Variants in HACD3 observed in about 807,000 individuals in gnomAD.
HACD3 encodes 3-hydroxyacyl-CoA dehydratase 3.
In HACD3, 30 loss-of-function variants were observed where a neutral mutation model predicts 55.2. That is an observed-to-expected ratio of 0.54 (90% CI 0.41 to 0.74). The LOEUF is 0.74. HACD3 is among the 30% of genes least tolerant of loss of function. The probability of loss-of-function intolerance (pLI) is 0.00; values close to 1 mark genes in which losing one functional copy is unlikely to be tolerated. For missense variants in HACD3, 363 were observed against 440.1 expected, an observed-to-expected ratio of 0.82 and a Z score of 1.57; for synonymous variants, 141 against 151.7, an observed-to-expected ratio of 0.93 and a Z score of 0.52.
chr15:65,535,667 G>A, intron 1 of HACD3: 1 of 421,346 alleles, frequency 2.4e-6, no homozygotes. Flanking sequence ...ATCTGTTCTG[G>A]TGATCTGTGA....
At chr15:65,532,549 T>C (rs1200959146) in intron 1 of HACD3, among the ~76,000 whole-genome samples, 1 of 151,838 alleles carries the variant, frequency 6.6e-6, no homozygotes, top group African/African-American at 2.4e-5. Flanking sequence ...GGAGAATTGC[T>C]TGAACCCGGG....
intron 4 of HACD3, among the ~76,000 whole-genome samples, chr15:65,557,147 A>G (rs775312391): frequency 6.6e-6 from 1 of 152,210 alleles, no homozygotes; most frequent in Non-Finnish European, 1.5e-5. Context: ...GGAGAAGACC[A>G]CTGAAGTAAA....
chr15:65,557,102 T>C (rs958442203), intron 4 of HACD3, among the ~76,000 whole-genome samples, 199 bp downstream of exon 4: 9 of 152,236 alleles, frequency 5.9e-5, no homozygotes, highest in African/African-American at 2.2e-4. Context: ...TGTCTGATGT[T>C]TCTCTTACAA....
At chr15:65,563,885 A>C (rs1361485317) in intron 6 of HACD3, among the ~76,000 whole-genome samples, 1 of 151,814 alleles carries the variant, frequency 6.6e-6, no homozygotes. Context: ...CAGGAGAATC[A>C]CTTGAACCCA....
chr15:65,565,116 G>T (rs1567339111), intron 7 of HACD3: 1 of 152,270 alleles, frequency 6.6e-6, no homozygotes, highest in African/African-American at 2.4e-5. Flanking sequence ...CTCACATCCA[G>T]GTCACGCTGA....
intron 8 of HACD3, among the ~76,000 whole-genome samples, chr15:65,570,958 G>C (rs1173393738): frequency 6.6e-6 from 1 of 152,114 alleles, no homozygotes; most frequent in Non-Finnish European, 1.5e-5. Flanking sequence ...CAGATTATAG[G>C]TCCTATGTTT....
At chr15:65,545,129 T>C (rs1460936888) in intron 1 of HACD3, among the ~76,000 whole-genome samples, 2 of 152,132 alleles carry the variant, frequency 1.3e-5, no homozygotes, top group Non-Finnish European at 2.9e-5. Context: ...GAAAGAGTGT[T>C]GTGAGGGAAT....
intron 1 of HACD3, among the ~76,000 whole-genome samples, chr15:65,532,068 A>T (rs954717409): frequency 3.9e-5 from 6 of 152,132 alleles, no homozygotes; most frequent in African/African-American, 1.4e-4. Flanking sequence ...TGCTTCTGGA[A>T]TATAAACAGT....
At chr15:65,534,448 A>G (rs935286781) in intron 1 of HACD3, 3 of 152,202 alleles carry the variant, frequency 2.0e-5, no homozygotes, top group Non-Finnish European at 4.4e-5. Flanking sequence ...AACGGTAGCA[A>G]AGAGGCCAGC....
chr15:65,555,794 G>T (rs2072183390), intron 3 of HACD3, among the ~76,000 whole-genome samples: 5 of 152,174 alleles, frequency 3.3e-5, no homozygotes, highest in Admixed American at 3.3e-4. Flanking sequence ...TTCTGATCTT[G>T]ATGCAGGTGT....
intron 1 of HACD3, among the ~76,000 whole-genome samples, chr15:65,533,744 T>A (rs1343857088): frequency 2.8e-5 from 4 of 141,168 alleles, no homozygotes; most frequent in Middle Eastern, 3.6e-3. Flanking sequence ...ATTTGTTATT[T>A]AAAAAAAAAA....
At chr15:65,539,147 A>G (rs1017371519) in intron 1 of HACD3, among the ~76,000 whole-genome samples, 1 of 151,404 alleles carries the variant, frequency 6.6e-6, no homozygotes, top group African/African-American at 2.4e-5. Context: ...TTCTCACATT[A>G]GAGTAGGAAA....
intron 1 of HACD3, among the ~76,000 whole-genome samples, chr15:65,543,894 C>T (rs1235933228): frequency 1.3e-5 from 2 of 152,044 alleles, no homozygotes; most frequent in African/African-American, 4.8e-5. Flanking sequence ...ATCTGTGAGT[C>T]GGCGGGGCGT....
At position 65,558,658 on chromosome 15, in the gene HACD3, A is replaced by G. The variant is rs973684530; in HGVS notation, c.370-22A>G. 6.3e-6 allele frequency: 10 copies of G among 1,581,260 alleles called. No homozygotes were observed. The African/African-American group carries it at 1.2e-4, about 19-fold the overall frequency. ...TGGGAATTCTAACTTGTGTTCTTGG[A>G]AAACTTTTGTCTAAATTCTAGGAAG... On this transcript the variant is annotated intron_variant, in intron 4 of 10. Transcript: ENST00000261875.
intron 7 of HACD3, among the ~76,000 whole-genome samples, chr15:65,567,926 CTTTCT>C (rs1567339945): frequency 1.5e-5 from 2 of 132,054 alleles, no homozygotes; most frequent in Non-Finnish European, 1.7e-5. Flanking sequence ...GTCATAGTTT[CTTTCT>C]TTTTTTTTTT....
intron 1 of HACD3, among the ~76,000 whole-genome samples, chr15:65,538,564 T>C (rs2071986930): frequency 6.6e-6 from 1 of 152,246 alleles, no homozygotes; most frequent in African/African-American, 2.4e-5. Flanking sequence ...CTGATGAAGA[T>C]GCTCTGAACA....
chr15:65,547,655 G>A (rs1043984851), intron 1 of HACD3, among the ~76,000 whole-genome samples: 2 of 152,206 alleles, frequency 1.3e-5, no homozygotes, highest in African/African-American at 2.4e-5. Context: ...GCAGCCTCAG[G>A]CTTGCTATAT....
At chr15:65,573,216 CAG>C (rs1255014823) in intron 10 of HACD3, among the ~76,000 whole-genome samples, 3 of 151,958 alleles carry the variant, frequency 2.0e-5, no homozygotes, top group African/African-American at 4.8e-5. Flanking sequence ...TATAAACTAA[CAG>C]AAGGGAAAAA....
chr15:65,576,431 C>T lies in HACD3; in HGVS notation c.*52C>T. The T allele has an allele frequency of 5.3e-6, 8 of 1,514,976 alleles. No homozygotes were observed. Among genetic ancestry groups the T allele is most frequent in the South Asian group, 3.8e-5 (3 of 79,820 alleles). The allele number at this position is 1,514,976 out of a possible 1,614,324, so 93.8% of individuals were successfully genotyped here. A position where few individuals can be genotyped will look rare whatever the true frequency, so the allele number is the denominator to read the frequency against. On this transcript the variant is annotated 3_prime_UTR_variant, in exon 11 of 11. Coordinates refer to ENST00000261875, the MANE Select transcript of HACD3 (RefSeq NM_016395.4). ...CAGTTTGAGCCTAATCTGATTCTTA[C>T]AGTTTTACCTTCTTGAACCAATGTA...
Sources: allele counts gnomAD v4.1 joint callset (sites outside exome capture counted in the v4.1 genomes callset), GRCh38; gene constraint gnomAD v4.1.1; transcripts MANE v1.5; gene names NCBI Gene and HGNC (gene_info 2026-07-23, HGNC 2026-07-21).